SORT1: variants seen among roughly 807,000 people sequenced by gnomAD.
SORT1 encodes the protein sortilin 1, also known as sortilin.
Under a neutral mutation model 101.7 loss-of-function variants are expected in SORT1, and 39 were observed. The ratio of observed to expected loss-of-function variants is 0.38; its 90% CI spans 0.30 to 0.50. The LOEUF (loss-of-function observed/expected upper bound fraction) is 0.50, where lower values mean the gene tolerates loss of function less well. SORT1 is among the 20% of genes least tolerant of loss of function. The pLI, the probability that SORT1 is intolerant of heterozygous loss-of-function variation, is 0.90. For synonymous variants in SORT1, 396 were observed against 393.7 expected, an observed-to-expected ratio of 1.01 and a Z score of -0.07; for missense variants, 878 against 1,040.4, an observed-to-expected ratio of 0.84 and a Z score of 2.15.
At chr1:109,382,219 T>A (rs558839981) in intron 1 of SORT1, among the ~76,000 whole-genome samples, 2 of 152,284 alleles carry the variant, frequency 1.3e-5, no homozygotes, top group East Asian at 3.9e-4. Context: ...CACTGCAACC[T>A]CCACCTTCTG....
intron 8 of SORT1, among the ~76,000 whole-genome samples, chr1:109,345,167 C>T (rs1649493809): frequency 6.6e-6 from 1 of 152,166 alleles, no homozygotes; most frequent in Non-Finnish European, 1.5e-5. Flanking sequence ...GGATAATGAG[C>T]AAGAGATTGC....
At chr1:109,322,408 T>C (rs906318218) in intron 15 of SORT1, among the ~76,000 whole-genome samples, 1 of 152,238 alleles carries the variant, frequency 6.6e-6, no homozygotes, top group African/African-American at 2.4e-5. Flanking sequence ...TGTTGCTGGT[T>C]CTGCCCAATA....
At chr1:109,358,519 A>G (rs887689041) in intron 3 of SORT1, among the ~76,000 whole-genome samples, 24 of 152,334 alleles carry the variant, frequency 1.6e-4, no homozygotes, top group African/African-American at 5.5e-4. Context: ...CCGTCGAATG[A>G]TAAGTAAACA....
At chr1:109,358,726 C>T (rs147376284) in intron 3 of SORT1, among the ~76,000 whole-genome samples, 4,079 of 152,016 alleles carry the variant, frequency 0.027, 180 homozygotes, top group African/African-American at 0.092. Flanking sequence ...TGGTGGCACG[C>T]GCCTGAAATC....
At chr1:109,393,756 A>G (rs1193059760) in intron 1 of SORT1, among the ~76,000 whole-genome samples, 1 of 152,226 alleles carries the variant, frequency 6.6e-6, no homozygotes, top group Admixed American at 6.5e-5. Flanking sequence ...CATTCTTCTA[A>G]TGAGTTATTA....
chr1:109,380,304 C>T (rs1017525445), intron 1 of SORT1, among the ~76,000 whole-genome samples: 4 of 151,842 alleles, frequency 2.6e-5, no homozygotes, highest in African/African-American at 4.8e-5. Flanking sequence ...AAAAATGATA[C>T]TAGAAGTATA....
At chr1:109,390,691 C>T (rs1652846745) in intron 1 of SORT1, among the ~76,000 whole-genome samples, 1 of 151,746 alleles carries the variant, frequency 6.6e-6, no homozygotes, top group Admixed American at 6.6e-5. Flanking sequence ...TTCTCCTGGT[C>T]CTTCAGAGCA....
intron 1 of SORT1, among the ~76,000 whole-genome samples, chr1:109,385,314 T>C (rs934284984): frequency 6.6e-6 from 1 of 152,172 alleles, no homozygotes; most frequent in Non-Finnish European, 1.5e-5. Context: ...ATTTATTCTC[T>C]TCTTAGTGAC....
At chr1:109,350,317 A>C (rs1649873189) in intron 6 of SORT1, among the ~76,000 whole-genome samples, 1 of 152,220 alleles carries the variant, frequency 6.6e-6, no homozygotes, top group African/African-American at 2.4e-5. Context: ...CAAAAGGAAA[A>C]AACTAAAGCC....
intron 1 of SORT1, among the ~76,000 whole-genome samples, chr1:109,374,561 A>G (rs1179519698): frequency 1.3e-5 from 2 of 152,014 alleles, no homozygotes; most frequent in Non-Finnish European, 2.9e-5. Flanking sequence ...ATTGCACTAC[A>G]GCTTGGGTGA....
chr1:109,330,063 G>A (rs1485584504), intron 11 of SORT1, among the ~76,000 whole-genome samples: 4 of 152,050 alleles, frequency 2.6e-5, no homozygotes, highest in Admixed American at 6.6e-5. Flanking sequence ...GTGCAGTGGC[G>A]TGATCTTGGC....
intron 9 of SORT1, among the ~76,000 whole-genome samples, chr1:109,341,534 A>G (rs1168240404): frequency 6.6e-6 from 1 of 151,984 alleles, no homozygotes; most frequent in Non-Finnish European, 1.5e-5. Context: ...TTTTTGTAGT[A>G]GAGATGGGGT....
intron 1 of SORT1, among the ~76,000 whole-genome samples, chr1:109,377,605 A>C (rs772138876): frequency 6.6e-6 from 1 of 152,198 alleles, no homozygotes; most frequent in Non-Finnish European, 1.5e-5. Flanking sequence ...CATTAACTTC[A>C]CGTAGCTAAA....
In SORT1 at chr1:109,312,114, C is replaced by T. The variant is rs1658763678; in HGVS notation, c.*1929G>A. On this transcript the variant is annotated 3_prime_UTR_variant, in exon 20 of 20. Coordinates refer to ENST00000256637, the MANE Select transcript of SORT1 (RefSeq NM_002959.7). ...TACCATGTATTGGTGCATCTGCCCA[C>T]AGTGAGTACATGCTGGGAGAAAGGT... 6.6e-6 allele frequency: 1 copy of T among 152,218 alleles called. No individual in the cohort carries two copies. The highest frequency in any genetic ancestry group is 1.5e-5 in the Non-Finnish European group (1 of 68,058). 9.4% of individuals were successfully genotyped at this position (152,218 alleles called of 1,614,324 possible).
chr1:109,362,760 A>G (rs967233044), intron 3 of SORT1, among the ~76,000 whole-genome samples: 5 of 152,154 alleles, frequency 3.3e-5, no homozygotes, highest in African/African-American at 4.8e-5. Context: ...AGTTGTATTA[A>G]AGGTAAAATG....
intron 11 of SORT1, among the ~76,000 whole-genome samples, chr1:109,329,533 G>A (rs551202289): frequency 2.6e-5 from 4 of 152,324 alleles, no homozygotes; most frequent in East Asian, 1.9e-4. Flanking sequence ...GATTACAGGC[G>A]TGAGCCACCA....
Position 109,341,750 on chromosome 1 carries a change from T to C in SORT1, c.1108+264A>G, listed in dbSNP as rs570477137. ...CTCTTGCTCTCAATTTCTGTACTTA[T>C]CTGGTAACAGATAGTTTGCAAATCA... is the stretch of plus-strand genomic sequence containing the variant. On this transcript the variant is annotated intron_variant, in intron 9 of 19. Coordinates refer to ENST00000256637, the MANE Select transcript of SORT1 (RefSeq NM_002959.7). Among the ~76,000 whole-genome samples, 7 of 152,318 alleles carry C rather than the reference T, an allele frequency of 4.6e-5. No homozygotes were observed. The East Asian group carries it at 9.6e-4, about 21-fold the overall frequency.
intron 3 of SORT1, among the ~76,000 whole-genome samples, chr1:109,361,963 G>A (rs559690171): frequency 7.2e-5 from 11 of 152,112 alleles, no homozygotes; most frequent in African/African-American, 2.7e-4. Context: ...TTAGGTTTTT[G>A]CAAGTTTATG....
intron 5 of SORT1, among the ~76,000 whole-genome samples, chr1:109,351,407 T>C (rs531129958): frequency 6.6e-6 from 1 of 152,282 alleles, no homozygotes; most frequent in African/African-American, 2.4e-5. Flanking sequence ...TCAGAGATGG[T>C]GTCCTGAAGA....
Sources: allele counts gnomAD v4.1 joint callset (sites outside exome capture counted in the v4.1 genomes callset), GRCh38; gene constraint gnomAD v4.1.1; transcripts MANE v1.5; gene names NCBI Gene and HGNC (gene_info 2026-07-23, HGNC 2026-07-21).